The following ACVR1C variants were observed in gnomAD, a reference collection of about 807,000 sequenced individuals.
The protein encoded by ACVR1C is activin receptor type-1C.
A neutral mutation model predicts 57.9 loss-of-function variants in ACVR1C; 23 were observed. The ratio of observed to expected loss-of-function variants is 0.40; its 90% CI spans 0.29 to 0.56. ACVR1C has a LOEUF of 0.56. Ranked by LOEUF, ACVR1C falls within the 20% of genes least tolerant of loss-of-function variation. The pLI, the probability that ACVR1C is intolerant of heterozygous loss-of-function variation, is 0.50. For synonymous variants in ACVR1C, 214 were observed against 215.3 expected, an observed-to-expected ratio of 0.99 and a Z score of 0.05; for missense variants, 480 against 607.9, an observed-to-expected ratio of 0.79 and a Z score of 2.21.
At chr2:157,598,176 T>C (rs1346899981) in intron 1 of ACVR1C, among the ~76,000 whole-genome samples, 1 of 151,762 alleles carries the variant, frequency 6.6e-6, no homozygotes, top group African/African-American at 2.4e-5. Flanking sequence ...ACACCAAATT[T>C]TTGTGTTGTC....
intron 2 of ACVR1C, among the ~76,000 whole-genome samples, chr2:157,575,999 A>C (rs975167231): frequency 3.9e-5 from 6 of 152,072 alleles, no homozygotes; most frequent in African/African-American, 1.4e-4. Context: ...TTGATGTTTT[A>C]TTCTTCTTTT....
Position 157,542,729 on chromosome 2 carries a change from C to G in ACVR1C, c.1077G>C (p.Gln359His), listed in dbSNP as rs766281344. 1.9e-6 allele frequency: 3 copies of G among 1,613,322 alleles called. No homozygotes were observed. Among genetic ancestry groups the G allele is most frequent in the East Asian group, 2.2e-5 (1 of 44,798 alleles). Residue 359 changes from glutamine to histidine, a missense_variant, in exon 6 of 9, where the codon CAG becomes CAC. Physicochemically the swap from Gln to His is conservative, Grantham distance 24 (BLOSUM62 0). Transcript: ENST00000243349. Reference sequence around the variant, plus strand: ...ACCTCTTGGTTCCCACTTTAGGATTCTGAGGTATGTCGATAGTGTTCAGTA... The same window carrying G: ...ACCTCTTGGTTCCCACTTTAGGATTGTGAGGTATGTCGATAGTGTTCAGTA... ...DSILNTIDIP[Q>H]NPKVGTKRYM...
chr2:157,530,552 G>A lies in ACVR1C; in HGVS notation c.*3366C>T, dbSNP rs1238693384. ...GTGTAATAAAATAATAAATTATTCT[G>A]GAACTTCTAACCTAATGAATCTATT... On this transcript the variant is annotated 3_prime_UTR_variant, in exon 9 of 9. Coordinates refer to ENST00000243349, the MANE Select transcript of ACVR1C (RefSeq NM_145259.3). The A allele has an allele frequency of 6.6e-6, 1 of 151,902 alleles. No individual in the cohort carries two copies. Among genetic ancestry groups the A allele is most frequent in the African/African-American group, 2.4e-5 (1 of 41,392 alleles). The allele number at this position is 151,902 out of a possible 1,614,324, so 9.4% of individuals were successfully genotyped here. A position where few individuals can be genotyped will look rare whatever the true frequency, so the allele number is the denominator to read the frequency against.
chr2:157,545,911 A>C (rs890085918), intron 4 of ACVR1C, among the ~76,000 whole-genome samples: 1 of 152,066 alleles, frequency 6.6e-6, no homozygotes, highest in African/African-American at 2.4e-5. Context: ...AGTAGCTGGG[A>C]TTACAGGCAT....
At chr2:157,581,381 G>C (rs1688786671) in intron 2 of ACVR1C, among the ~76,000 whole-genome samples, 2 of 151,918 alleles carry the variant, frequency 1.3e-5, no homozygotes, top group African/African-American at 4.8e-5. Flanking sequence ...AGAGACAGAA[G>C]GCCGAAATTA....
rs1352878134 is a variant in ACVR1C at position 157,542,880 on chromosome 2, A to G, written c.944-18T>C. ...AGGTTTACCTATGAAGCAAAGAAGAACATATTCATTTTTTTCTTTACCGGA... is the reference window on the plus strand; with the variant it reads ...AGGTTTACCTATGAAGCAAAGAAGAGCATATTCATTTTTTTCTTTACCGGA... On this transcript the variant is annotated intron_variant, in intron 5 of 8. Transcript: ENST00000243349. 3 of 1,611,500 alleles carry G rather than the reference A, an allele frequency of 1.9e-6. No homozygotes were observed. Among genetic ancestry groups the G allele is most frequent in the East Asian group, 4.5e-5 (2 of 44,850 alleles).
chr2:157,557,005 C>G (rs1209627130), intron 2 of ACVR1C, among the ~76,000 whole-genome samples: 1 of 152,114 alleles, frequency 6.6e-6, no homozygotes, highest in Admixed American at 6.5e-5. Context: ...TTCTTTCATG[C>G]CAAAATAATT....
At chr2:157,536,259 G>T (rs188240463) in intron 8 of ACVR1C, among the ~76,000 whole-genome samples, 63 of 152,254 alleles carry the variant, frequency 4.1e-4, no homozygotes, top group African/African-American at 1.4e-3. Flanking sequence ...GAAGAACTAT[G>T]ACTCCAAATT....
chr2:157,603,084 A>G (rs1046463016), intron 1 of ACVR1C, among the ~76,000 whole-genome samples: 5 of 152,304 alleles, frequency 3.3e-5, no homozygotes, highest in African/African-American at 1.2e-4. Context: ...CCATAGCTAC[A>G]GCAAATCTGT....
At chr2:157,556,007 T>A (rs1359377361) in intron 3 of ACVR1C, 86 bp downstream of exon 3, 2 of 1,420,126 alleles carry the variant, frequency 1.4e-6, no homozygotes, top group Admixed American at 2.4e-5. Flanking sequence ...ATTCATAATA[T>A]TTGGGCCCTT....
chr2:157,565,104 T>C (rs929539469), intron 2 of ACVR1C, among the ~76,000 whole-genome samples: 1 of 151,778 alleles, frequency 6.6e-6, no homozygotes, highest in East Asian at 1.9e-4. Context: ...TGTACATGTA[T>C]CCCAGAATTT....
chr2:157,556,259 G>C lies in ACVR1C; in HGVS notation c.378C>G (p.Ser126=), dbSNP rs748720453. The change falls in exon 3 of 9, where the codon TCC becomes TCG. Residue 126 remains serine (S), a synonymous_variant. Transcript: ENST00000243349. ...CCCATACTGTCAGCATCGCAGCTAT[G>C]GACAGGAGGCAAACAGGCACAGTAA... ...IIITVPVCLL[S]IAAMLTVWAC... The C allele has an allele frequency of 2.4e-5, 38 of 1,614,004 alleles. No individual in the cohort carries two copies. Among genetic ancestry groups the C allele is most frequent in the Non-Finnish European group, 3.1e-5 (37 of 1,180,044 alleles).
At chr2:157,591,192 C>T (rs1689048865) in intron 1 of ACVR1C, among the ~76,000 whole-genome samples, 1 of 152,010 alleles carries the variant, frequency 6.6e-6, no homozygotes, top group South Asian at 2.1e-4. Flanking sequence ...TCTCTTTCCG[C>T]TCTGTCAAGA....
intron 1 of ACVR1C, among the ~76,000 whole-genome samples, chr2:157,613,328 T>G (rs1682572781): frequency 6.6e-6 from 1 of 152,256 alleles, no homozygotes; most frequent in African/African-American, 2.4e-5. Context: ...CCATCTTAAC[T>G]CCTCTATACT....
intron 4 of ACVR1C, among the ~76,000 whole-genome samples, chr2:157,544,842 G>T (rs1468923116): frequency 1.3e-5 from 2 of 152,108 alleles, no homozygotes; most frequent in Non-Finnish European, 2.9e-5. Flanking sequence ...AAGTTGTGAG[G>T]TTGTGATTGA....
chr2:157,614,555 A>G (rs1382817984), intron 1 of ACVR1C, among the ~76,000 whole-genome samples: 1 of 152,172 alleles, frequency 6.6e-6, no homozygotes, highest in Non-Finnish European at 1.5e-5. Context: ...TATCCTTACT[A>G]AAGTTTGGTT....
chr2:157,574,749 T>C (rs1361576144), intron 2 of ACVR1C, among the ~76,000 whole-genome samples: 2 of 152,170 alleles, frequency 1.3e-5, no homozygotes, highest in South Asian at 4.1e-4. Flanking sequence ...ATTGTTTTTC[T>C]CCCTCATGGG....
At chr2:157,537,033 A>G (rs1166389623) in intron 8 of ACVR1C, among the ~76,000 whole-genome samples, 1 of 152,186 alleles carries the variant, frequency 6.6e-6, no homozygotes, top group African/African-American at 2.4e-5. Context: ...CTACACAGCA[A>G]TGAAAATGGA....
chr2:157,622,054 T>C (rs1682787976), intron 1 of ACVR1C, among the ~76,000 whole-genome samples: 2 of 152,160 alleles, frequency 1.3e-5, no homozygotes, highest in Non-Finnish European at 1.5e-5. Context: ...TAGGTCCCAT[T>C]AGCAAAAGAG....
Sources: gnomAD v4.1 joint callset for allele counts (sites outside exome capture counted in the v4.1 genomes callset) on GRCh38, gnomAD v4.1.1 for gene constraint, MANE v1.5 for transcripts, NCBI Gene and HGNC (gene_info 2026-07-23, HGNC 2026-07-21) for gene names.